Variants in ERICH5 observed in about 807,000 individuals in gnomAD.
ERICH5 encodes glutamate-rich protein 5.
In ERICH5, 24 loss-of-function variants were observed where a neutral mutation model predicts 28.0. The ratio of observed to expected loss-of-function variants is 0.86; its 90% CI spans 0.62 to 1.21. The LOEUF is 1.21. ERICH5 is among the 50% of genes most tolerant of loss of function. The pLI is 0.00. For missense variants in ERICH5, 421 were observed against 441.2 expected (o/e 0.95, Z 0.41); for synonymous variants, 163 against 157.6 (o/e 1.03, Z -0.25).
At chr8:98,075,121 C>A (rs1252279263) in intron 1 of ERICH5, among the ~76,000 whole-genome samples, 1 of 152,068 alleles carries the variant, frequency 6.6e-6, no homozygotes, top group African/African-American at 2.4e-5. Context: ...GATAAACTGC[C>A]CTTCTCATCA....
Position 98,068,238 on chromosome 8 carries a change from G to C in ERICH5, c.58+3511G>C, listed in dbSNP as rs111422992. ...AGGAATAATCTATTCTACTGATTATGTGGGGACATTTGCCCTGACCCATTA... is the reference window on the plus strand; with the variant it reads ...AGGAATAATCTATTCTACTGATTATCTGGGGACATTTGCCCTGACCCATTA... On this transcript the variant is annotated intron_variant, in intron 1 of 2. Transcript: ENST00000318528. Among the ~76,000 whole-genome samples, 186 of 152,282 alleles carry C rather than the reference G, an allele frequency of 1.2e-3. 1 individual carries two copies. Among genetic ancestry groups the C allele is most frequent in the African/African-American group, 4.3e-3 (179 of 41,556 alleles).
At chr8:98,075,170 A>C (rs2130515170) in intron 1 of ERICH5, among the ~76,000 whole-genome samples, 1 of 152,260 alleles carries the variant, frequency 6.6e-6, no homozygotes, top group South Asian at 2.1e-4. Context: ...TTGACTTCTC[A>C]CTGCCCCCTA....
chr8:98,088,978 T>A, intron 1 of ERICH5, 98 bp from the exon 2 acceptor site: 2 of 909,724 alleles, frequency 2.2e-6, no homozygotes, highest in Non-Finnish European at 1.6e-6. Context: ...CTTGAACTGT[T>A]AAATCTACTT....
At chr8:98,091,895 T>TC (rs1262900744) in intron 2 of ERICH5, among the ~76,000 whole-genome samples, 6,532 of 78,174 alleles carry the variant, frequency 0.084, 179 homozygotes, top group Non-Finnish European at 0.09. Context: ...TTTCTTTCTT[T>TC]CTTTCCTTTC....
At chr8:98,090,234 A>G (rs1815360333) in intron 2 of ERICH5, among the ~76,000 whole-genome samples, 1 of 152,236 alleles carries the variant, frequency 6.6e-6, no homozygotes. Context: ...TTTCCGAAAC[A>G]TCATCTCTGT....
chr8:98,079,496 C>T (rs1461905672), intron 1 of ERICH5, among the ~76,000 whole-genome samples: 2 of 152,102 alleles, frequency 1.3e-5, no homozygotes, highest in Non-Finnish European at 2.9e-5. Context: ...TAACACCAAT[C>T]AAGTTTAGTT....
At chr8:98,079,088 G>A (rs944038409) in intron 1 of ERICH5, among the ~76,000 whole-genome samples, 28 of 151,708 alleles carry the variant, frequency 1.8e-4, no homozygotes, top group African/African-American at 6.5e-4. Context: ...GCTTAATGAA[G>A]GGAGTAGCTA....
At chr8:98,085,749 T>C (rs1349204786) in intron 1 of ERICH5, among the ~76,000 whole-genome samples, 2 of 152,226 alleles carry the variant, frequency 1.3e-5, no homozygotes, top group African/African-American at 4.8e-5. Flanking sequence ...ATGACCTGGC[T>C]TCTGCGCCAG....
Position 98,089,475 on chromosome 8 carries a change from G to T in ERICH5, c.458G>T (p.Gly153Val), listed in dbSNP as rs1815342733. The T allele has an allele frequency of 6.2e-7, 1 of 1,614,226 alleles. No individual in the cohort carries two copies. The highest frequency in any genetic ancestry group is 8.5e-7 in the Non-Finnish European group (1 of 1,180,042). ...LKGNAEAQPLGPEAKGQPLQA... is the reference protein window; with the variant it reads ...LKGNAEAQPLVPEAKGQPLQA... ...GGAAATGCTGAAGCTCAGCCTTTAG[G>T]ACCAGAAGCCAAGGGTCAGCCTTTG... The change falls in exon 2 of 3, where the codon GGA becomes GTA. Residue 153 changes from glycine (G) to valine (V), a missense_variant. By Grantham distance (109) the Gly-to-Val change is moderately radical. Coordinates refer to ENST00000318528, the MANE Select transcript of ERICH5 (RefSeq NM_173549.3).
At chr8:98,093,038 T>C (rs575935588) in intron 2 of ERICH5, among the ~76,000 whole-genome samples, 183 bp from the exon 3 acceptor site, 1 of 152,306 alleles carries the variant, frequency 6.6e-6, no homozygotes, top group South Asian at 2.1e-4. Flanking sequence ...CCTCCCAATG[T>C]GTTGGATTAC....
chr8:98,078,061 A>C (rs1815091842), intron 1 of ERICH5, among the ~76,000 whole-genome samples: 1 of 152,208 alleles, frequency 6.6e-6, no homozygotes. Context: ...TATGTCAGTT[A>C]CATGGAATAT....
intron 1 of ERICH5, among the ~76,000 whole-genome samples, chr8:98,079,991 G>C (rs1815146550): frequency 6.6e-6 from 1 of 152,158 alleles, no homozygotes; most frequent in Non-Finnish European, 1.5e-5. Context: ...TGCTAATTTA[G>C]CTATAATTTA....
At position 98,064,716 on chromosome 8, in the gene ERICH5, G is replaced by A; in HGVS notation, c.47G>A (p.Arg16Lys). ...CTCAACAAGGCCGGCGACAGCAGCA[G>A]GTTCCCCAGCGGTGAGCAGGGTACC... ...SALNKAGDSS[R>K]FPSVTSNEHF... Residue 16 changes from arginine (R) to lysine (K), a missense_variant, in exon 1 of 3, where the codon AGG becomes AAG. Coordinates refer to ENST00000318528, the MANE Select transcript of ERICH5 (RefSeq NM_173549.3). 1 of 1,533,794 alleles carries A rather than the reference G, an allele frequency of 6.5e-7. No homozygotes were observed. Among genetic ancestry groups the A allele is most frequent in the Non-Finnish European group, 8.7e-7 (1 of 1,143,362 alleles).
chr8:98,091,920 C>CTTTCTTTCTTTCTTT (rs1815408893), intron 2 of ERICH5, among the ~76,000 whole-genome samples: 1 of 26,766 alleles, frequency 3.7e-5, no homozygotes, highest in Non-Finnish European at 7.9e-5. Context: ...TTTCTTTCTT[C>CTTTCTTTCTTTCTTT]CTTTCTTTCT....
chr8:98,082,471 C>A (rs1004606547), intron 1 of ERICH5, among the ~76,000 whole-genome samples: 4 of 151,938 alleles, frequency 2.6e-5, no homozygotes, highest in African/African-American at 9.7e-5. Flanking sequence ...CATGGAGAAA[C>A]CCCATCTCTC....
At chr8:98,072,059 G>A (rs1212120829) in intron 1 of ERICH5, among the ~76,000 whole-genome samples, 1 of 152,006 alleles carries the variant, frequency 6.6e-6, no homozygotes, top group East Asian at 1.9e-4. Flanking sequence ...GCCCCACATG[G>A]TTTTTAGCAG....
Position 98,089,648 on chromosome 8 carries a change from A to C in ERICH5, c.631A>C (p.Lys211Gln). ...GCTACAACCTCAGGGCACAGTGGGA[A>C]AGGATGAGCAGGCCCCGCTTCTAGA... ...GELQPQGTVGKDEQAPLLETI... is the reference protein window; with the variant it reads ...GELQPQGTVGQDEQAPLLETI... Residue 211 changes from lysine (K) to glutamine (Q), a missense_variant, in exon 2 of 3, where the codon AAG becomes CAG. Physicochemically the swap from Lys to Gln is moderately conservative, Grantham distance 53 (BLOSUM62 1). Transcript: ENST00000318528. The C allele has an allele frequency of 6.2e-7, 1 of 1,614,090 alleles. No individual in the cohort carries two copies. Among genetic ancestry groups the C allele is most frequent in the Non-Finnish European group, 8.5e-7 (1 of 1,179,948 alleles).
chr8:98,072,041 C>T (rs1340188311), intron 1 of ERICH5, among the ~76,000 whole-genome samples: 2 of 152,036 alleles, frequency 1.3e-5, no homozygotes, highest in Non-Finnish European at 2.9e-5. Flanking sequence ...CATGAACTAC[C>T]GTGCCCAGCC....
intron 1 of ERICH5, among the ~76,000 whole-genome samples, chr8:98,073,401 A>ACC (rs1814956485): frequency 1.5e-5 from 1 of 65,266 alleles, no homozygotes; most frequent in African/African-American, 7.0e-5. Context: ...ACATAGTGAG[A>ACC]CCCTCTCTCT....
Sources: gnomAD v4.1 joint callset for allele counts (sites outside exome capture counted in the v4.1 genomes callset) on GRCh38, gnomAD v4.1.1 for gene constraint, MANE v1.5 for transcripts, NCBI Gene and HGNC (gene_info 2026-07-23, HGNC 2026-07-21) for gene names.